ARHGAP24: variants seen among roughly 807,000 people sequenced by gnomAD.
The protein encoded by ARHGAP24 is rho GTPase-activating protein 24.
In ARHGAP24, 50 loss-of-function variants were observed where a neutral mutation model predicts 76.4. The ratio of observed to expected loss-of-function variants is 0.65; its 90% CI spans 0.52 to 0.83. The LOEUF is 0.83. ARHGAP24 is among the 40% of genes least tolerant of loss of function. The pLI is 0.00. For missense variants in ARHGAP24, 930 were observed against 914.2 expected (o/e 1.02, Z -0.22); for synonymous variants, 345 against 323.3 (o/e 1.07, Z -0.72).
At chr4:85,671,356 CCATTATAATAATTATCATATATTTGTTGG>C (rs1393192247) in intron 2 of ARHGAP24, among the ~76,000 whole-genome samples, 1 of 152,044 alleles carries the variant, frequency 6.6e-6, no homozygotes, top group Non-Finnish European at 1.5e-5. Context: ...AACCACAGGT[CCATTATAATAATTATCATATATTTGTTGG>C]CATCTTTCCT....
chr4:85,658,805 G>T (rs1446583590), intron 2 of ARHGAP24, among the ~76,000 whole-genome samples: 1 of 152,156 alleles, frequency 6.6e-6, no homozygotes, highest in African/African-American at 2.4e-5. Flanking sequence ...GGATGTACAT[G>T]GCCAAATGTG....
intron 3 of ARHGAP24, among the ~76,000 whole-genome samples, chr4:85,767,148 G>A (rs1006713548): frequency 6.6e-6 from 1 of 152,134 alleles, no homozygotes; most frequent in Non-Finnish European, 1.5e-5. Flanking sequence ...AATGTAAAGT[G>A]GCCTAATTGC....
chr4:85,801,459 TC>T (rs1728574404), intron 3 of ARHGAP24, among the ~76,000 whole-genome samples: 1 of 152,232 alleles, frequency 6.6e-6, no homozygotes, highest in Non-Finnish European at 1.5e-5. Context: ...AGGCTTCTCT[TC>T]CATATGGTTG....
intron 5 of ARHGAP24, among the ~76,000 whole-genome samples, chr4:85,966,645 C>T (rs1278388566): frequency 6.6e-6 from 1 of 152,150 alleles, no homozygotes. Context: ...TTGCTGAACT[C>T]AGCAGGCAAA....
At chr4:85,759,645 G>T (rs1468976670) in intron 3 of ARHGAP24, among the ~76,000 whole-genome samples, 4 of 152,134 alleles carry the variant, frequency 2.6e-5, no homozygotes, top group Non-Finnish European at 4.4e-5. Flanking sequence ...GGCTGAGACT[G>T]GAGGCAAGGA....
chr4:85,967,171 G>T (rs559911468), intron 5 of ARHGAP24, among the ~76,000 whole-genome samples: 57 of 152,110 alleles, frequency 3.7e-4, no homozygotes, highest in African/African-American at 1.3e-3. Flanking sequence ...ATAATTTCCA[G>T]GAAATATAAA....
chr4:85,607,290 G>C (rs1449264179), intron 2 of ARHGAP24, among the ~76,000 whole-genome samples: 1 of 151,340 alleles, frequency 6.6e-6, no homozygotes, highest in Non-Finnish European at 1.5e-5. Context: ...TGTCCTTTAA[G>C]TTTCTTTTAT....
At chr4:85,564,535 G>A (rs886178451) in intron 1 of ARHGAP24, among the ~76,000 whole-genome samples, 1 of 150,652 alleles carries the variant, frequency 6.6e-6, no homozygotes, top group Non-Finnish European at 1.5e-5. Context: ...AGAACTTAAA[G>A]TATAATAATA....
At chr4:85,644,514 G>A (rs988762683) in intron 2 of ARHGAP24, among the ~76,000 whole-genome samples, 1 of 151,940 alleles carries the variant, frequency 6.6e-6, no homozygotes, top group African/African-American at 2.4e-5. Flanking sequence ...TCTTTATAGG[G>A]TCATTTATCA....
intron 3 of ARHGAP24, among the ~76,000 whole-genome samples, chr4:85,887,372 A>T (rs1733621337): frequency 6.6e-6 from 1 of 152,170 alleles, no homozygotes; most frequent in Non-Finnish European, 1.5e-5. Flanking sequence ...TCTATTAAGA[A>T]TTATTAATCA....
chr4:85,972,002 T>C (rs777870483), intron 5 of ARHGAP24, 34 bp from the exon 6 acceptor site: 3 of 1,613,742 alleles, frequency 1.9e-6, no homozygotes, highest in East Asian at 2.2e-5. Context: ...TGAAGTTTAC[T>C]CCAAAGAATA....
chr4:85,958,674 T>C (rs1057073073), intron 5 of ARHGAP24, among the ~76,000 whole-genome samples: 1 of 152,250 alleles, frequency 6.6e-6, no homozygotes, highest in Admixed American at 6.5e-5. Flanking sequence ...AAAGGAATCA[T>C]GTTTTACATT....
chr4:85,738,646 T>A (rs1338468561), intron 3 of ARHGAP24, among the ~76,000 whole-genome samples: 1 of 152,118 alleles, frequency 6.6e-6, no homozygotes, highest in East Asian at 1.9e-4. Flanking sequence ...ATCATGAAAG[T>A]TTATCCCCAT....
At chr4:85,525,622 T>C (rs995247436) in intron 1 of ARHGAP24, among the ~76,000 whole-genome samples, 26 of 152,178 alleles carry the variant, frequency 1.7e-4, no homozygotes, top group Non-Finnish European at 1.5e-4. Flanking sequence ...CTGTGTGTCA[T>C]CTACTGTACT....
chr4:85,614,138 C>A (rs1720476221), intron 2 of ARHGAP24, among the ~76,000 whole-genome samples: 1 of 152,118 alleles, frequency 6.6e-6, no homozygotes, highest in African/African-American at 2.4e-5. Context: ...AGAACTCTGT[C>A]ATCACTGTTC....
chr4:85,717,961 G>T (rs758436940), intron 2 of ARHGAP24, among the ~76,000 whole-genome samples: 16 of 151,960 alleles, frequency 1.1e-4, no homozygotes, highest in Non-Finnish European at 1.9e-4. Context: ...AGTTAGATTG[G>T]GCACCTGACT....
chr4:85,803,431 G>A (rs1728658761), intron 3 of ARHGAP24, among the ~76,000 whole-genome samples: 1 of 152,156 alleles, frequency 6.6e-6, no homozygotes, highest in South Asian at 2.1e-4. Context: ...CCCTATTACT[G>A]GAATGAAGAG....
At chr4:85,695,115 C>T (rs1723821385) in intron 2 of ARHGAP24, among the ~76,000 whole-genome samples, 1 of 152,222 alleles carries the variant, frequency 6.6e-6, no homozygotes, top group Non-Finnish European at 1.5e-5. Flanking sequence ...TTCATCTCAA[C>T]TGGAAGATCT....
In ARHGAP24 at chr4:85,999,911, A is replaced by T. The variant is rs77582369; in HGVS notation, c.2004-568A>T. 1,114 of 153,552 alleles carry T rather than the reference A, an allele frequency of 7.3e-3. 19 individuals are homozygous for T. Among genetic ancestry groups the T allele is most frequent in the East Asian group, 0.066 (345 of 5,196 alleles). The allele number at this position is 153,552 out of a possible 1,614,324, so 9.5% of individuals were successfully genotyped here. On this transcript the variant is annotated intron_variant, in intron 9 of 9. Transcript: ENST00000395184. ...ATGAGATGCAGTGCTTATTTAACAC[A>T]TGTGATCTTTACCTCTCGTATCAAT...
Sources: gnomAD v4.1 joint callset for allele counts (sites outside exome capture counted in the v4.1 genomes callset) on GRCh38, gnomAD v4.1.1 for gene constraint, MANE v1.5 for transcripts, NCBI Gene and HGNC (gene_info 2026-07-23, HGNC 2026-07-21) for gene names.